LCT: variants seen among roughly 807,000 people sequenced by gnomAD.
LCT encodes lactase.
Under a neutral mutation model 173.0 loss-of-function variants are expected in LCT, and 90 were observed. The observed-to-expected ratio is 0.52, with a 90% CI of 0.44 to 0.62. LCT has a LOEUF of 0.62. LCT is among the 20% of genes least tolerant of loss of function. LCT has a pLI of 0.00. For missense variants in LCT, 1,864 were observed against 2,431.4 expected (o/e 0.77, Z 4.91); for synonymous variants, 853 against 957.6 (o/e 0.89, Z 2.02).
intron 7 of LCT, among the ~76,000 whole-genome samples, chr2:135,810,801 C>T (rs1389552754): frequency 1.3e-5 from 2 of 149,166 alleles, no homozygotes; most frequent in South Asian, 2.1e-4. Flanking sequence ...CTGAGGCAGG[C>T]GGATCATGAG....
chr2:135,826,508 G>A (rs1482549307), intron 3 of LCT, among the ~76,000 whole-genome samples: 1 of 152,056 alleles, frequency 6.6e-6, no homozygotes, highest in African/African-American at 2.4e-5. Context: ...GCAGGTTGCA[G>A]TGAGCCGAGA....
chr2:135,833,240 C>G, intron 1 of LCT, 50 bp from the exon 2 acceptor site: 1 of 1,344,420 alleles, frequency 7.4e-7, no homozygotes, highest in Non-Finnish European at 1.1e-6. Flanking sequence ...GCAGGAGGCT[C>G]TGACTGTGGA....
rs142467054 is a variant in LCT, at chr2:135,805,066, G to T, written c.4174-9C>A. Reference sequence around the variant, plus strand: ...CTCCACGCACCTTCAATCTCAAGATGACAAGACATGGTCTTATTAAGTCAT... The same window carrying T: ...CTCCACGCACCTTCAATCTCAAGATTACAAGACATGGTCTTATTAAGTCAT... On this transcript the variant is annotated splice_polypyrimidine_tract_variant and intron_variant, in intron 9 of 16. Coordinates refer to ENST00000264162, the MANE Select transcript of LCT (RefSeq NM_002299.4). 3.1e-6 allele frequency: 5 copies of T among 1,613,828 alleles called. No homozygotes were observed. In the South Asian group the frequency reaches 4.4e-5, roughly 14 times the overall value.
Position 135,800,711 on chromosome 2 carries a change from C to T in LCT, c.4762G>A (p.Ala1588Thr), listed in dbSNP as rs374357262. Reference sequence around the variant, plus strand: ...ATGGAAATCACGCCACCTTGACTGGCGCGGTACACATCGTTGTACAGATGC... The same window carrying T: ...ATGGAAATCACGCCACCTTGACTGGTGCGGTACACATCGTTGTACAGATGC... ...AWHLYNDVYR[A>T]SQGGVISITI... The change falls in exon 12 of 17, where the codon GCC becomes ACC. Residue 1588 changes from alanine (A) to threonine (T), a missense_variant. Transcript: ENST00000264162. 53 of 1,613,846 alleles carry T rather than the reference C, an allele frequency of 3.3e-5. No individual in the cohort carries two copies. The highest frequency in any genetic ancestry group is 1.7e-4 in the Middle Eastern group (1 of 5,970).
At position 135,790,475 on chromosome 2, in the gene LCT, T is replaced by A. The variant is rs1314478511; in HGVS notation, c.5335+183A>T. The stretch of plus-strand genomic sequence containing the variant: ...AGGCCACTGGGCTTGCTTGCTGAGC[T>A]TAGACATAGGAAGGAAAAAAACTCA... On this transcript the variant is annotated intron_variant, in intron 15 of 16. Transcript: ENST00000264162. This position sits in a 1 kb window ranked among gnomAD's most constrained non-coding sequence, Gnocchi z 4.1. Among the ~76,000 whole-genome samples the A allele has an allele frequency of 1.3e-5, 2 of 152,124 alleles. No individual in the cohort carries two copies. Among genetic ancestry groups the A allele is most frequent in the African/African-American group, 4.8e-5 (2 of 41,398 alleles).
At position 135,794,633 on chromosome 2, in the gene LCT, G is replaced by A. The variant is rs1348325114; in HGVS notation, c.5111+8C>T. The A allele has an allele frequency of 2.5e-6, 4 of 1,613,802 alleles. No individual in the cohort carries two copies. The East Asian group carries it at 8.9e-5, about 36-fold the overall frequency. On this transcript the variant is annotated splice_region_variant and intron_variant, in intron 14 of 16. Coordinates refer to ENST00000264162, the MANE Select transcript of LCT (RefSeq NM_002299.4). Reference sequence around the variant, plus strand: ...AGATGGCTCCGGGCTCCCTGTTGGTGGACTTACCTGTCTGCATCAAAAGAA... The same window carrying A: ...AGATGGCTCCGGGCTCCCTGTTGGTAGACTTACCTGTCTGCATCAAAAGAA...
At position 135,808,688 on chromosome 2, in the gene LCT, C is replaced by T. The variant is rs1288033852; in HGVS notation, c.3659G>A (p.Arg1220Lys). ...GTCTTCGTAGGAGGGTGGGTTTAGC[C>T]TGGGTGTTTTGTGCTGCACGATTCT... Reference protein sequence around the residue: ...YSRIVQHKTPRLNPPSYEDDQ... With the variant: ...YSRIVQHKTPKLNPPSYEDDQ... Residue 1220 changes from arginine (R) to lysine (K), a missense_variant, in exon 8 of 17, where the codon AGG (arginine) becomes AAG (lysine). By Grantham distance (26) the Arg-to-Lys change is conservative. Coordinates refer to ENST00000264162, the MANE Select transcript of LCT (RefSeq NM_002299.4). 4 of 1,614,194 alleles carry T rather than the reference C, an allele frequency of 2.5e-6. No individual in the cohort carries two copies. Among genetic ancestry groups the T allele is most frequent in the South Asian group, 1.1e-5 (1 of 91,078 alleles).
intron 6 of LCT, among the ~76,000 whole-genome samples, chr2:135,814,850 G>A (rs890709866): frequency 6.6e-6 from 1 of 152,150 alleles, no homozygotes; most frequent in South Asian, 2.1e-4. Context: ...TTCCTTAATA[G>A]TTGCTATGAA....
At chr2:135,822,547 A>C (rs1015812936) in intron 4 of LCT, 1 of 204,430 alleles carries the variant, frequency 4.9e-6, no homozygotes, top group African/African-American at 2.3e-5. Context: ...AAATACGCAT[A>C]AACAGAAAAG....
chr2:135,791,566 AAAAAATG>A (rs1402883663), intron 14 of LCT, among the ~76,000 whole-genome samples: 1 of 152,252 alleles, frequency 6.6e-6, no homozygotes, highest in East Asian at 1.9e-4. Flanking sequence ...TCAGGGAAAA[AAAAAATG>A]TTGGTTTTAT....
At position 135,829,596 on chromosome 2, in the gene LCT, C is replaced by T; in HGVS notation, c.801G>A (p.Leu267=). 1 of 1,604,936 alleles carries T rather than the reference C, an allele frequency of 6.2e-7. No individual in the cohort carries two copies. The highest frequency in any genetic ancestry group is 1.1e-5 in the South Asian group (1 of 90,898). ...EASLRQKLSK[L]QTIEPKVKVF... Reference sequence around the variant, plus strand: ...TGTGGAAAAGGGCTCAAATTACCTGCAATTTACTCAGCTTCTGCCGCAGAC... The same window carrying T: ...TGTGGAAAAGGGCTCAAATTACCTGTAATTTACTCAGCTTCTGCCGCAGAC... The change falls in exon 3 of 17, where the codon TTG becomes TTA. Residue 267 remains leucine (L), a synonymous_variant. Transcript: ENST00000264162.
chr2:135,811,002 C>T (rs1281708973), intron 7 of LCT, among the ~76,000 whole-genome samples: 7 of 148,990 alleles, frequency 4.7e-5, no homozygotes, highest in Admixed American at 3.4e-4. Context: ...ACTCCAGCCT[C>T]GGCGACAGAG....
In LCT at chr2:135,836,561, A is replaced by G; in HGVS notation, c.609T>C (p.Tyr203=). Residue 203 remains tyrosine (Y), a synonymous_variant, in exon 1 of 17, where the codon TAT becomes TAC. Coordinates refer to ENST00000264162, the MANE Select transcript of LCT (RefSeq NM_002299.4). ...QTLSDAHRKA[Y]EIYHESYAFQ... The stretch of plus-strand genomic sequence containing the variant: ...AAGCATAGCTTTCGTGGTAAATCTC[A>G]TAGGCTTTTCTGTGGGCATCACTGA... The G allele has an allele frequency of 1.9e-6, 3 of 1,610,724 alleles. No individual in the cohort carries two copies. Among genetic ancestry groups the G allele is most frequent in the Non-Finnish European group, 1.7e-6 (2 of 1,176,910 alleles).
chr2:135,833,089 T>A lies in LCT; in HGVS notation c.720+22A>T, dbSNP rs755136672. The A allele has an allele frequency of 3.2e-6, 5 of 1,556,570 alleles. No homozygotes were observed. In the East Asian group the frequency reaches 1.1e-4, roughly 35 times the overall value. On this transcript the variant is annotated intron_variant, in intron 2 of 16. Transcript: ENST00000264162. ...TCAAACTCTCCTCAGATGTTACAGG[T>A]ATATTTTTGGGCTGCTGTCACCTGG...
chr2:135,830,402 C>T (rs1032309067), intron 2 of LCT, among the ~76,000 whole-genome samples: 3 of 152,166 alleles, frequency 2.0e-5, no homozygotes, highest in Non-Finnish European at 4.4e-5. Flanking sequence ...CTCCCCTCCA[C>T]GAGCCTGGCT....
Position 135,790,845 on chromosome 2 carries a change from G to A in LCT, c.5148C>T (p.Asp1716=). 6.2e-7 allele frequency: 1 copy of A among 1,614,162 alleles called. No individual in the cohort carries two copies. The highest frequency in any genetic ancestry group is 1.1e-5 in the South Asian group (1 of 91,086). ...TCATCTTCAGCCAGAAGGAGCCAGA[G>A]TCTGGCCACGAGCGATCTGCGATGG... is the stretch of plus-strand genomic sequence containing the variant. The part of the protein sequence containing the change: ...VASIADRSWP[D]SGSFWLKMTP... Residue 1716 remains aspartate, a synonymous_variant, in exon 15 of 17, where the codon GAC becomes GAT. Coordinates refer to ENST00000264162, the MANE Select transcript of LCT (RefSeq NM_002299.4). The surrounding 1 kb of genome is among the most constrained non-coding windows in gnomAD (Gnocchi z 4.1).
At chr2:135,821,747 AC>A (rs75724519) in intron 5 of LCT, 13 of 452,126 alleles carry the variant, frequency 2.9e-5, no homozygotes, top group East Asian at 2.1e-4. Context: ...ACCTTTGCCT[AC>A]CAGAGTGCTG....
At position 135,788,339 on chromosome 2, in the gene LCT, C is replaced by T. The variant is rs373237484; in HGVS notation, c.5769G>A (p.Pro1923=). The part of the protein sequence containing the change: ...KTQRSQQELS[P]VSSF The stretch of plus-strand genomic sequence containing the variant: ...TGGTAACTCATCAGAATGAAGACAC[C>T]GGGCTCAATTCCTGTTGGCTTCGTT... Residue 1923 remains proline (P), a synonymous_variant, in exon 17 of 17, where the codon CCG becomes CCA. Coordinates refer to ENST00000264162, the MANE Select transcript of LCT (RefSeq NM_002299.4). The T allele has an allele frequency of 2.9e-5, 46 of 1,613,094 alleles. No homozygotes were observed. Among genetic ancestry groups the T allele is most frequent in the Admixed American group, 5.0e-5 (3 of 60,016 alleles).
chr2:135,794,539 G>A, intron 14 of LCT, 102 bp downstream of exon 14: 3 of 1,247,002 alleles, frequency 2.4e-6, no homozygotes, highest in Non-Finnish European at 2.4e-6. Context: ...ATTCGGCGTT[G>A]GAGGCCCTGT....
Sources: allele counts gnomAD v4.1 joint callset (sites outside exome capture counted in the v4.1 genomes callset), GRCh38; gene constraint gnomAD v4.1.1; non-coding constraint Gnocchi (gnomAD v3.1); transcripts MANE v1.5; gene names NCBI Gene and HGNC (gene_info 2026-07-23, HGNC 2026-07-21).